TP63: variants seen among roughly 807,000 people sequenced by gnomAD.
TP63 encodes the protein tumor protein 63.
A neutral mutation model predicts 82.8 loss-of-function variants in TP63; 17 were observed. The ratio of observed to expected loss-of-function variants is 0.21; its 90% confidence interval spans 0.14 to 0.31. The LOEUF (loss-of-function observed/expected upper bound fraction) is 0.31. Among genes scored for constraint, TP63 ranks in the 10% least tolerant of loss-of-function variants. The pLI is 1.00. For missense variants in TP63, 648 were observed against 895.3 expected (o/e 0.72, Z 3.52); for synonymous variants, 330 against 321.7 (o/e 1.03, Z -0.28).
At chr3:189,667,212 C>T (rs1322396627) in intron 1 of TP63, among the ~76,000 whole-genome samples, 1 of 143,876 alleles carries the variant, frequency 7.0e-6, no homozygotes, top group African/African-American at 2.6e-5. Context: ...TGCTCTGTCA[C>T]CCAGGCGAGA....
chr3:189,875,883 TG>T (rs762054393), intron 10 of TP63, among the ~76,000 whole-genome samples: 2 of 151,832 alleles, frequency 1.3e-5, no homozygotes, highest in Non-Finnish European at 2.9e-5. Flanking sequence ...TCTGAGAAAG[TG>T]AGGCATGCCC....
chr3:189,881,486 A>G (rs1448740420), intron 10 of TP63: 6 of 985,102 alleles, frequency 6.1e-6, no homozygotes, highest in Admixed American at 6.2e-5. Flanking sequence ...AAACTTTTGC[A>G]TCTTGGTTTA....
At chr3:189,736,078 GATAT>G (rs1720568947) in intron 1 of TP63, among the ~76,000 whole-genome samples, 1 of 149,076 alleles carries the variant, frequency 6.7e-6, no homozygotes. Context: ...AATATTTTGA[GATAT>G]ATATTATTTA....
chr3:189,642,492 T>A (rs1020688896), intron 1 of TP63, among the ~76,000 whole-genome samples: 19 of 152,060 alleles, frequency 1.2e-4, no homozygotes, highest in Admixed American at 1.1e-3. Context: ...TGCGCATAGG[T>A]TCAAAAATCT....
At chr3:189,893,765 A>C (rs535740210) in intron 13 of TP63, among the ~76,000 whole-genome samples, 1 of 152,310 alleles carries the variant, frequency 6.6e-6, no homozygotes, top group South Asian at 2.1e-4. Flanking sequence ...CATGAATATA[A>C]AATAATTCAG....
At chr3:189,775,867 A>T (rs1482195709) in intron 3 of TP63, among the ~76,000 whole-genome samples, 1 of 152,224 alleles carries the variant, frequency 6.6e-6, no homozygotes, top group Non-Finnish European at 1.5e-5. Context: ...TACCCTAGTA[A>T]TATAAGCCTT....
At chr3:189,806,497 C>G (rs190397297) in intron 3 of TP63, among the ~76,000 whole-genome samples, 119 of 152,318 alleles carry the variant, frequency 7.8e-4, no homozygotes, top group Admixed American at 2.1e-3. Context: ...AGGCTGTTGC[C>G]TCAGGCTTGG....
intron 1 of TP63, among the ~76,000 whole-genome samples, chr3:189,655,952 A>G (rs1299887902): frequency 6.6e-6 from 1 of 152,208 alleles, no homozygotes. Context: ...CCATAAGAAA[A>G]GACATTGACA....
rs2108873819 is a variant in TP63, at chr3:189,894,329, T to C, written c.1870T>C (p.Ser624Pro). 6.2e-7 allele frequency: 1 copy of C among 1,613,896 alleles called. No homozygotes were observed. The highest frequency in any genetic ancestry group is 8.5e-7 in the Non-Finnish European group (1 of 1,179,958). Residue 624 changes from serine to proline, a missense_variant, in exon 14 of 14, where the codon TCT becomes CCT. This residue lies in a region of TP63 where 342 missense variants were observed against 425.7 expected (regional missense o/e 0.80). Transcript: ENST00000264731. ...SHLLRTPSSASTVSVGSSETR... is the reference protein window; with the variant it reads ...SHLLRTPSSAPTVSVGSSETR... ...TCTCCTGCGGACCCCAAGCAGTGCC[T>C]CTACAGTCAGTGTGGGCTCCAGTGA...
chr3:189,656,281 G>C (rs1309239798), intron 1 of TP63, among the ~76,000 whole-genome samples: 1 of 152,088 alleles, frequency 6.6e-6, no homozygotes, highest in Non-Finnish European at 1.5e-5. Context: ...ATAGTGTAGT[G>C]TTATTTGGAG....
intron 1 of TP63, among the ~76,000 whole-genome samples, chr3:189,674,825 C>T (rs1364918032): frequency 6.6e-6 from 1 of 152,116 alleles, no homozygotes; most frequent in Admixed American, 6.6e-5. Context: ...AGGCTGAAAT[C>T]AGAAATGAGC....
intron 1 of TP63, among the ~76,000 whole-genome samples, chr3:189,660,183 C>T (rs1056885876): frequency 1.3e-5 from 2 of 151,892 alleles, no homozygotes; most frequent in Non-Finnish European, 2.9e-5. Context: ...TTATAGTTTG[C>T]AATCTTAAAT....
chr3:189,720,443 C>T (rs546841564), intron 1 of TP63, among the ~76,000 whole-genome samples: 1 of 152,218 alleles, frequency 6.6e-6, no homozygotes, highest in South Asian at 2.1e-4. Context: ...TCTCCAATAA[C>T]TTTAGATAGT....
At chr3:189,671,921 GGT>G (rs1714925440) in intron 1 of TP63, among the ~76,000 whole-genome samples, 1 of 151,992 alleles carries the variant, frequency 6.6e-6, no homozygotes, top group South Asian at 2.1e-4. Flanking sequence ...GGAAAAAGCT[GGT>G]TAAGGTATAC....
At chr3:189,654,475 C>T (rs1713160187) in intron 1 of TP63, among the ~76,000 whole-genome samples, 1 of 151,978 alleles carries the variant, frequency 6.6e-6, no homozygotes, top group Admixed American at 6.5e-5. Flanking sequence ...AGGAATTTTA[C>T]TAAGGAGTAA....
chr3:189,651,859 C>T (rs1265580671), intron 1 of TP63, among the ~76,000 whole-genome samples: 1 of 147,242 alleles, frequency 6.8e-6, no homozygotes, highest in Non-Finnish European at 1.5e-5. Flanking sequence ...AAAGGTACAG[C>T]TAAGGCTATT....
In TP63 at chr3:189,879,973, A is replaced by G. The variant is rs1204390277; in HGVS notation, c.1350-6421A>G. 1.5e-5 allele frequency: 23 copies of G among 1,496,426 alleles called. No homozygotes were observed. In the East Asian group the frequency reaches 5.2e-4, roughly 34 times the overall value. The allele number at this position is 1,496,426 out of a possible 1,614,324, so 92.7% of individuals were successfully genotyped here. A position where few individuals can be genotyped will look rare whatever the true frequency, so the allele number is the denominator to read the frequency against. ...TATTCTGTCTATACTATGATCATGAAGGTATAAGGAGTGTGTTTCTGAATT... is the reference window on the plus strand; with the variant it reads ...TATTCTGTCTATACTATGATCATGAGGGTATAAGGAGTGTGTTTCTGAATT... On this transcript the variant is annotated intron_variant, in intron 10 of 13. Transcript: ENST00000264731.
chr3:189,804,723 C>T (rs1726700172), intron 3 of TP63, among the ~76,000 whole-genome samples: 1 of 152,190 alleles, frequency 6.6e-6, no homozygotes, highest in Non-Finnish European at 1.5e-5. Context: ...GATTTCCAGT[C>T]ATTCAGTTCT....
intron 1 of TP63, among the ~76,000 whole-genome samples, chr3:189,675,005 T>C (rs1307607920): frequency 3.9e-5 from 6 of 152,104 alleles, no homozygotes; most frequent in African/African-American, 1.4e-4. Flanking sequence ...TACCATCAAC[T>C]AGTTAGCTTA....
Sources: gnomAD v4.1 joint callset for allele counts (sites outside exome capture counted in the v4.1 genomes callset) on GRCh38, gnomAD v4.1.1 for gene constraint, gnomAD v4.1.1 regional missense constraint, MANE v1.5 for transcripts, NCBI Gene and HGNC (gene_info 2026-07-23, HGNC 2026-07-21) for gene names.